Variants in KCNH7 observed in about 807,000 individuals in gnomAD.
KCNH7 encodes voltage-gated inwardly rectifying potassium channel KCNH7.
Under a neutral mutation model 120.8 loss-of-function variants are expected in KCNH7, and 49 were observed. That is an observed-to-expected ratio of 0.41 (90% confidence interval 0.32 to 0.51). KCNH7 has a LOEUF of 0.51. Among genes scored for constraint, KCNH7 ranks in the 20% least tolerant of loss-of-function variants. The pLI is 0.38. For synonymous variants in KCNH7, 547 were observed against 516.1 expected (o/e 1.06, Z -0.81); for missense variants, 1,097 against 1,446.6 (o/e 0.76, Z 3.92).
At chr2:162,513,354 C>CT (rs1691161108) in intron 4 of KCNH7, among the ~76,000 whole-genome samples, 1 of 72,896 alleles carries the variant, frequency 1.4e-5, no homozygotes, top group African/African-American at 3.3e-5. Context: ...TCCTTCCCTC[C>CT]TTCTTTCCTT....
At chr2:162,505,886 T>C (rs1291129778) in intron 5 of KCNH7, among the ~76,000 whole-genome samples, 1 of 151,896 alleles carries the variant, frequency 6.6e-6, no homozygotes, top group Non-Finnish European at 1.5e-5. Context: ...AATTAGACTT[T>C]AAGATTTTGC....
At chr2:162,731,914 G>T (rs971825066) in intron 2 of KCNH7, among the ~76,000 whole-genome samples, 10 of 152,160 alleles carry the variant, frequency 6.6e-5, no homozygotes, top group African/African-American at 2.2e-4. Flanking sequence ...ATAAATATAA[G>T]AAGAAGCCTG....
chr2:162,517,086 T>C (rs1031263498), intron 4 of KCNH7, among the ~76,000 whole-genome samples: 1 of 151,812 alleles, frequency 6.6e-6, no homozygotes, highest in Non-Finnish European at 1.5e-5. Context: ...ACTGCTTTTT[T>C]TAAGGATCCT....
intron 2 of KCNH7, among the ~76,000 whole-genome samples, chr2:162,684,507 AAAAC>A (rs1685818528): frequency 6.6e-6 from 1 of 152,136 alleles, no homozygotes; most frequent in African/African-American, 2.4e-5. Flanking sequence ...TTACAAGAAA[AAAAC>A]AAACAACCCC....
intron 3 of KCNH7, among the ~76,000 whole-genome samples, chr2:162,518,556 T>C (rs1242286374): frequency 1.3e-5 from 2 of 151,736 alleles, no homozygotes; most frequent in Non-Finnish European, 2.9e-5. Context: ...CAGGAGTGAG[T>C]ATAGCCTACA....
intron 12 of KCNH7, among the ~76,000 whole-genome samples, chr2:162,393,574 A>G (rs574848974): frequency 6.6e-6 from 1 of 152,058 alleles, no homozygotes; most frequent in African/African-American, 2.4e-5. Context: ...TTACAGACGC[A>G]AAGAAAAGAG....
At chr2:162,388,343 A>T (rs999762254) in intron 12 of KCNH7, among the ~76,000 whole-genome samples, 1 of 151,228 alleles carries the variant, frequency 6.6e-6, no homozygotes, top group African/African-American at 2.4e-5. Flanking sequence ...TAGACCTTAA[A>T]TGTTCTCCCC....
At chr2:162,504,332 GA>G in intron 6 of KCNH7, 110 bp downstream of exon 6, 2 of 774,502 alleles carry the variant, frequency 2.6e-6, no homozygotes, top group Non-Finnish European at 4.3e-6. Flanking sequence ...GGAGTACAAA[GA>G]AAAAATGTCT....
At chr2:162,765,665 T>G (rs1382012436) in intron 2 of KCNH7, among the ~76,000 whole-genome samples, 1 of 152,212 alleles carries the variant, frequency 6.6e-6, no homozygotes, top group African/African-American at 2.4e-5. Flanking sequence ...TTCATGGAGC[T>G]GGCTCAATAC....
At chr2:162,420,867 C>T (rs140714105) in intron 9 of KCNH7, among the ~76,000 whole-genome samples, 61 of 151,896 alleles carry the variant, frequency 4.0e-4, no homozygotes, top group African/African-American at 1.4e-3. Context: ...TTTTAAACTG[C>T]GATTAAATTA....
chr2:162,410,480 A>G (rs192998800), intron 9 of KCNH7, among the ~76,000 whole-genome samples: 204 of 152,198 alleles, frequency 1.3e-3, no homozygotes, highest in African/African-American at 4.5e-3. Flanking sequence ...AAAACTCTAG[A>G]AGAAAGCCTA....
At chr2:162,410,815 A>C (rs936827453) in intron 9 of KCNH7, among the ~76,000 whole-genome samples, 2 of 152,124 alleles carry the variant, frequency 1.3e-5, no homozygotes, top group African/African-American at 4.8e-5. Context: ...TCTCAAAAAA[A>C]GGCATACCAG....
intron 6 of KCNH7, among the ~76,000 whole-genome samples, chr2:162,499,626 T>C (rs1403589745): frequency 6.6e-6 from 1 of 152,144 alleles, no homozygotes; most frequent in Non-Finnish European, 1.5e-5. Flanking sequence ...AATTGAAGTC[T>C]TGCCTAACAA....
chr2:162,376,362 TGGTTTG>T (rs1686179416), intron 14 of KCNH7, among the ~76,000 whole-genome samples: 1 of 146,586 alleles, frequency 6.8e-6, no homozygotes, highest in Non-Finnish European at 1.5e-5. Flanking sequence ...ACTCAAAGTG[TGGTTTG>T]TTTTTTTTTT....
chr2:162,531,185 C>T (rs1405871869), intron 3 of KCNH7, among the ~76,000 whole-genome samples: 1 of 151,914 alleles, frequency 6.6e-6, no homozygotes, highest in Non-Finnish European at 1.5e-5. Context: ...GTACATAGGA[C>T]TTTATTTTAA....
rs761153262 is a variant in KCNH7, at chr2:162,394,416, A to G, written c.2683T>C (p.Leu895=). The G allele has an allele frequency of 6.3e-6, 10 of 1,599,694 alleles. No homozygotes were observed. The highest frequency in any genetic ancestry group is 2.2e-5 in the South Asian group (2 of 90,734). The part of the protein sequence containing the change: ...GDNCKLRRRK[L]SFESEGEKEN... ...TTCTCTCCTTCACTTTCAAATGACA[A>G]TTTCCTTCTTCTTAGTTTACAGTTG... The change falls in exon 12 of 16, where the codon TTG becomes CTG. Residue 895 remains leucine, a synonymous_variant. Transcript: ENST00000332142.
chr2:162,564,179 A>G (rs1693167977), intron 2 of KCNH7, among the ~76,000 whole-genome samples: 2 of 151,826 alleles, frequency 1.3e-5, no homozygotes, highest in South Asian at 4.1e-4. Context: ...CTGTTTTTCC[A>G]TCTCTATTTC....
At chr2:162,670,727 A>G (rs975463565) in intron 2 of KCNH7, among the ~76,000 whole-genome samples, 2 of 151,946 alleles carry the variant, frequency 1.3e-5, no homozygotes, top group African/African-American at 4.8e-5. Flanking sequence ...AAAATGAAAT[A>G]AGACCAAAAA....
intron 8 of KCNH7, among the ~76,000 whole-genome samples, chr2:162,428,799 C>T (rs535406887): frequency 1.8e-4 from 27 of 151,888 alleles, no homozygotes; most frequent in South Asian, 6.2e-4. Flanking sequence ...AAGTTAATAA[C>T]GCTACATTGT....
Sources: gnomAD v4.1 joint callset for allele counts (sites outside exome capture counted in the v4.1 genomes callset) on GRCh38, gnomAD v4.1.1 for gene constraint, MANE v1.5 for transcripts, NCBI Gene and HGNC (gene_info 2026-07-23, HGNC 2026-07-21) for gene names.